AAK1: variants seen among roughly 807,000 people sequenced by gnomAD.
The protein encoded by AAK1 is AP2-associated protein kinase 1.
AAK1 carries 37 observed loss-of-function variants against 116.0 expected under a neutral mutation model. The observed-to-expected ratio is 0.32, with a 90% confidence interval of 0.25 to 0.42. The LOEUF is 0.42. AAK1 is among the 10% of genes least tolerant of loss of function. The pLI, the probability that AAK1 is intolerant of heterozygous loss-of-function variation, is 1.00. For synonymous variants in AAK1, 458 were observed against 439.9 expected (o/e 1.04, Z -0.51); for missense variants, 919 against 1,170.6 (o/e 0.79, Z 3.14).
intron 21 of AAK1, 104 bp from the exon 22 acceptor site, chr2:69,476,067 C>CA (rs1030783782): frequency 5.8e-4 from 840 of 1,445,548 alleles, no homozygotes; most frequent in South Asian, 1.5e-3. Context: ...AAAACCAAAA[C>CA]AAAAAAAAAC....
chr2:69,469,834 C>A lies in AAK1; in HGVS notation c.*6035G>T, dbSNP rs770723223. 1,401 of 985,288 alleles carry A rather than the reference C, an allele frequency of 1.4e-3. 1 individual carries two copies. The highest frequency in any genetic ancestry group is 1.8e-3 in the Admixed American group (29 of 16,260). The allele number at this position is 985,288 out of a possible 1,614,324, so 61.0% of individuals were successfully genotyped here. ...GTAGGACTGTGTGCCAGGTTAGGCA[C>A]GTTGACACTTTCAATATGGGTAACT... On this transcript the variant is annotated 3_prime_UTR_variant, in exon 22 of 22. Coordinates refer to ENST00000409085, the MANE Select transcript of AAK1 (RefSeq NM_014911.5).
intron 13 of AAK1, among the ~76,000 whole-genome samples, chr2:69,511,933 A>G (rs1478881968): frequency 6.6e-6 from 1 of 152,240 alleles, no homozygotes; most frequent in Non-Finnish European, 1.5e-5. Context: ...CAACCCTGGC[A>G]GACAGTTATA....
intron 2 of AAK1, among the ~76,000 whole-genome samples, chr2:69,626,057 C>A (rs746229250): frequency 6.6e-6 from 1 of 151,992 alleles, no homozygotes; most frequent in Non-Finnish European, 1.5e-5. Context: ...AATGAAGTAC[C>A]CTTTCTCCTG....
intron 12 of AAK1, 86 bp from the exon 13 acceptor site, chr2:69,514,835 G>C: frequency 1.4e-6 from 2 of 1,421,724 alleles, no homozygotes; most frequent in Non-Finnish European, 1.9e-6. Context: ...ATGAAGACCA[G>C]TGCTAAAGCC....
At chr2:69,478,930 T>C (rs767141135) in intron 20 of AAK1, 21 bp downstream of exon 20, 3 of 1,569,652 alleles carry the variant, frequency 1.9e-6, no homozygotes, top group Non-Finnish European at 2.6e-6. Flanking sequence ...CATGTGGGCC[T>C]GAGAAGAAGA....
chr2:69,518,884 T>C, intron 12 of AAK1, 70 bp downstream of exon 12: 1 of 1,468,406 alleles, frequency 6.8e-7, no homozygotes, highest in Non-Finnish European at 9.0e-7. Flanking sequence ...GGAAGACACC[T>C]TTACCTAGTG....
At chr2:69,506,362 G>A (rs952123763) in intron 15 of AAK1, among the ~76,000 whole-genome samples, 2 of 152,094 alleles carry the variant, frequency 1.3e-5, no homozygotes. Context: ...AAGCAAGAAA[G>A]TAATAGGAAT....
intron 2 of AAK1, among the ~76,000 whole-genome samples, chr2:69,557,913 C>T (rs2105087547): frequency 6.6e-6 from 1 of 152,296 alleles, no homozygotes; most frequent in East Asian, 1.9e-4. Context: ...ACCTCCTGGG[C>T]TGTTGAGAAG....
chr2:69,507,648 T>C (rs984613381), intron 14 of AAK1, 70 bp from the exon 15 acceptor site: 2 of 1,344,076 alleles, frequency 1.5e-6, no homozygotes, highest in African/African-American at 3.0e-5. Flanking sequence ...GGTCAACTTA[T>C]TTTCTCTGTT....
chr2:69,581,588 T>G (rs1272613590), intron 2 of AAK1, among the ~76,000 whole-genome samples: 1 of 152,228 alleles, frequency 6.6e-6, no homozygotes, highest in Non-Finnish European at 1.5e-5. Flanking sequence ...AGCAACGTTT[T>G]AATTCAGGGC....
At chr2:69,489,104 C>A (rs1203043620) in intron 17 of AAK1, among the ~76,000 whole-genome samples, 2 of 151,476 alleles carry the variant, frequency 1.3e-5, no homozygotes, top group Admixed American at 6.6e-5. Context: ...ACTCAGCCTC[C>A]CAAAGTGCTG....
At chr2:69,612,041 G>A (rs952553482) in intron 2 of AAK1, among the ~76,000 whole-genome samples, 1 of 152,208 alleles carries the variant, frequency 6.6e-6, no homozygotes, top group African/African-American at 2.4e-5. Flanking sequence ...TAGACTTTCA[G>A]TTGGGACGAT....
At chr2:69,550,726 T>C (rs1302450404) in intron 3 of AAK1, among the ~76,000 whole-genome samples, 6 of 151,454 alleles carry the variant, frequency 4.0e-5, no homozygotes, top group African/African-American at 1.5e-4. Flanking sequence ...AGTGATTCTC[T>C]TGCCTCAGCC....
chr2:69,546,947 A>G (rs182197523), intron 3 of AAK1, among the ~76,000 whole-genome samples: 19 of 152,334 alleles, frequency 1.2e-4, no homozygotes, highest in Non-Finnish European at 2.4e-4. Context: ...CTGTGAGGGA[A>G]GCAGTTCATT....
intron 15 of AAK1, among the ~76,000 whole-genome samples, chr2:69,506,831 T>C (rs369340706): frequency 5.3e-5 from 8 of 151,654 alleles, no homozygotes; most frequent in African/African-American, 1.7e-4. Flanking sequence ...ATTAGAATTA[T>C]GCATATTAGA....
In AAK1 at chr2:69,559,262, T is replaced by TCACA. The variant is rs375580392; in HGVS notation, c.164-2288_164-2285dup. Among the ~76,000 whole-genome samples, 442 of 127,252 alleles carry TCACA rather than the reference T, an allele frequency of 3.5e-3. 1 individual carries two copies. The highest frequency in any genetic ancestry group is 0.019 in the East Asian group (76 of 3,954). 83.5% of individuals were successfully genotyped at this position (127,252 alleles called of 152,430 possible). On this transcript the variant is annotated intron_variant, in intron 2 of 21. Coordinates refer to ENST00000409085, the MANE Select transcript of AAK1 (RefSeq NM_014911.5). ...GAGGTCTTATCTATCTCTCTCTCTC[T>TCACA]CACACACACACACACACACACACAC... is the stretch of plus-strand genomic sequence containing the variant.
rs1674471825 is a variant in AAK1, at chr2:69,465,935, G to A, written c.*9934C>T. ...GACCGGTCTGTGCAGGCAGCTCCTG[G>A]GAGGTGCATTGGATAACTGTTAACT... is the stretch of plus-strand genomic sequence containing the variant. On this transcript the variant is annotated 3_prime_UTR_variant, in exon 22 of 22. Transcript: ENST00000409085. 3 of 1,290,768 alleles carry A rather than the reference G, an allele frequency of 2.3e-6. No individual in the cohort carries two copies. The highest frequency in any genetic ancestry group is 1.5e-5 in the African/African-American group (1 of 65,842). 80.0% of individuals were successfully genotyped at this position (1,290,768 alleles called of 1,614,324 possible). A position where few individuals can be genotyped will look rare whatever the true frequency, so the allele number is the denominator to read the frequency against.
chr2:69,626,709 A>G (rs1674918414), intron 2 of AAK1, among the ~76,000 whole-genome samples: 1 of 133,274 alleles, frequency 7.5e-6, no homozygotes, highest in Admixed American at 8.4e-5. Context: ...CATGTTGCCC[A>G]GACTGGTCTT....
In AAK1 at chr2:69,631,125, C is replaced by T. The variant is rs577677126; in HGVS notation, c.163+11753G>A. On this transcript the variant is annotated intron_variant, in intron 2 of 21. Transcript: ENST00000409085. ...CAGTAAATGCTGCTCAGGCCCCAGT[C>T]CTCCAGGAAGGACCCAACCTACGAT... 3.9e-5 allele frequency among the ~76,000 whole-genome samples: 6 copies of T among 152,348 alleles called. No homozygotes were observed. In the East Asian group the frequency reaches 7.7e-4, roughly 20 times the overall value.
Sources: gnomAD v4.1 joint callset for allele counts (sites outside exome capture counted in the v4.1 genomes callset) on GRCh38, gnomAD v4.1.1 for gene constraint, MANE v1.5 for transcripts, NCBI Gene and HGNC (gene_info 2026-07-23, HGNC 2026-07-21) for gene names.